Variants in PMFBP1 observed in about 807,000 individuals in gnomAD.
PMFBP1 encodes polyamine modulated factor 1 binding protein 1, also known as polyamine-modulated factor 1-binding protein 1.
In PMFBP1, 131 loss-of-function variants were observed where a neutral mutation model predicts 137.8. The observed-to-expected ratio is 0.95, with a 90% CI of 0.82 to 1.10. The LOEUF is 1.10. Ranked by LOEUF, PMFBP1 falls within the 50% of genes least tolerant of loss-of-function variation. The probability of loss-of-function intolerance (pLI) is 0.00; values close to 1 mark genes in which losing one functional copy is unlikely to be tolerated. For missense variants in PMFBP1, 1,199 were observed against 1,175.4 expected, an observed-to-expected ratio of 1.02 and a Z score of -0.29; for synonymous variants, 490 against 450.4, an observed-to-expected ratio of 1.09 and a Z score of -1.11.
At chr16:72,169,621 T>A (rs1418900837) in intron 2 of PMFBP1, among the ~76,000 whole-genome samples, 1 of 151,890 alleles carries the variant, frequency 6.6e-6, no homozygotes, top group African/African-American at 2.4e-5. Context: ...ACTTAAAGTA[T>A]AATAAAAAAG....
the PMFBP1 span, among the ~76,000 whole-genome samples, chr16:72,206,754 ACGATTAC>A: frequency 1.3e-5 from 2 of 152,154 alleles, no homozygotes; most frequent in African/African-American, 2.4e-5. Context: ...CAACGTGCCA[ACGATTAC>A]CGTAGCTAAA....
At chr16:72,138,571 A>G (rs867125826) in intron 7 of PMFBP1, among the ~76,000 whole-genome samples, 1 of 152,156 alleles carries the variant, frequency 6.6e-6, no homozygotes, top group Non-Finnish European at 1.5e-5. Flanking sequence ...GCTGGAGTGC[A>G]GTGGTGTGAT....
chr16:72,185,093 G>T, the PMFBP1 span, among the ~76,000 whole-genome samples: 4 of 149,890 alleles, frequency 2.7e-5, no homozygotes, highest in Non-Finnish European at 5.9e-5. Context: ...GTGCAATCTT[G>T]GCTCACTGCA....
At chr16:72,243,823 G>A in the PMFBP1 span, among the ~76,000 whole-genome samples, 1 of 152,188 alleles carries the variant, frequency 6.6e-6, no homozygotes, top group Non-Finnish European at 1.5e-5. Flanking sequence ...GAGGGCAAAG[G>A]GGAGGGTCCA....
At chr16:72,166,622 A>T (rs1271074318) in intron 2 of PMFBP1, among the ~76,000 whole-genome samples, 1 of 152,228 alleles carries the variant, frequency 6.6e-6, no homozygotes, top group Non-Finnish European at 1.5e-5. Context: ...AAGGGGTAAA[A>T]ACCAAGTATA....
chr16:72,159,048 G>A (rs1428189357), intron 3 of PMFBP1, among the ~76,000 whole-genome samples: 1 of 152,166 alleles, frequency 6.6e-6, no homozygotes, highest in Non-Finnish European at 1.5e-5. Flanking sequence ...GGCTTTGTAA[G>A]CATCTGTCCA....
At chr16:72,241,833 CA>C in the PMFBP1 span, among the ~76,000 whole-genome samples, 1 of 152,218 alleles carries the variant, frequency 6.6e-6, no homozygotes, top group South Asian at 2.1e-4. Context: ...TTCATACCCC[CA>C]AATGGCTGGT....
the PMFBP1 span, among the ~76,000 whole-genome samples, chr16:72,234,467 T>C: frequency 6.6e-6 from 1 of 152,110 alleles, no homozygotes; most frequent in Middle Eastern, 3.2e-3. Context: ...AGAATTAAGA[T>C]GCTAATGAGA....
chr16:72,231,977 G>A, the PMFBP1 span, among the ~76,000 whole-genome samples: 18 of 140,646 alleles, frequency 1.3e-4, no homozygotes, highest in African/African-American at 4.6e-4. Flanking sequence ...GGCTATTTGG[G>A]TCTTGGAGAA....
At position 72,125,306 on chromosome 16, in the gene PMFBP1, C is replaced by T; in HGVS notation, c.2353G>A (p.Glu785Lys). 1 of 1,614,194 alleles carries T rather than the reference C, an allele frequency of 6.2e-7. No individual in the cohort carries two copies. The highest frequency in any genetic ancestry group is 8.5e-7 in the Non-Finnish European group (1 of 1,180,040). ...TCCGTATTGAGCTTTTTCATCCTTT[C>T]CTCATAAGCAATGATTTCCTCTTCC... ...QLEEEIIAYE[E>K]RMKKLNTELR... The change falls in exon 16 of 21, where the codon GAA becomes AAA. Residue 785 changes from glutamate to lysine, a missense_variant. Glu to Lys is a moderately conservative substitution (Grantham distance 56, BLOSUM62 1). Coordinates refer to ENST00000237353, the MANE Select transcript of PMFBP1 (RefSeq NM_031293.3).
intron 3 of PMFBP1, among the ~76,000 whole-genome samples, chr16:72,160,099 A>G (rs1027901966): frequency 9.8e-5 from 15 of 152,332 alleles, no homozygotes; most frequent in Admixed American, 4.6e-4. Flanking sequence ...CTTGTGGTCA[A>G]AGAGATTATA....
At chr16:72,155,921 T>C (rs1257093756) in intron 3 of PMFBP1, among the ~76,000 whole-genome samples, 5 of 152,180 alleles carry the variant, frequency 3.3e-5, no homozygotes, top group Non-Finnish European at 7.3e-5. Flanking sequence ...ATTTTCTGCC[T>C]TTTCTAGACG....
intron 10 of PMFBP1, 26 bp downstream of exon 10, chr16:72,132,722 T>A (rs1240061190): frequency 1.2e-6 from 2 of 1,613,676 alleles, no homozygotes; most frequent in East Asian, 4.5e-5. Flanking sequence ...AAAAGTGTGG[T>A]GGGACAGCAC....
upstream of PMFBP1, among the ~76,000 whole-genome samples, chr16:72,179,908 A>G (rs1257820360): frequency 6.6e-6 from 1 of 152,196 alleles, no homozygotes; most frequent in East Asian, 1.9e-4. Context: ...ACATCTAATA[A>G]AAGAACAAAG....
the PMFBP1 span, among the ~76,000 whole-genome samples, chr16:72,185,890 G>C: frequency 6.6e-6 from 1 of 152,202 alleles, no homozygotes; most frequent in Non-Finnish European, 1.5e-5. Context: ...AGAAGCCAAA[G>C]AGAGTTTTGG....
At chr16:72,134,343 C>T (rs1223006538) in intron 9 of PMFBP1, among the ~76,000 whole-genome samples, 1 of 152,108 alleles carries the variant, frequency 6.6e-6, no homozygotes, top group Non-Finnish European at 1.5e-5. Flanking sequence ...CCACCACACT[C>T]AGCTAGTTTA....
the PMFBP1 span, among the ~76,000 whole-genome samples, chr16:72,195,740 C>G: frequency 2.6e-5 from 4 of 152,224 alleles, no homozygotes; most frequent in East Asian, 7.7e-4. Flanking sequence ...CAGGGAAAAG[C>G]TTGTACTTAA....
chr16:72,201,658 C>T, the PMFBP1 span, among the ~76,000 whole-genome samples: 5 of 152,198 alleles, frequency 3.3e-5, no homozygotes, highest in Non-Finnish European at 2.9e-5. Context: ...GTGCATTTCC[C>T]ACTTATATTC....
In PMFBP1 at chr16:72,140,537, A is replaced by G; in HGVS notation, c.682T>C (p.Ser228Pro). Residue 228 changes from serine to proline, a missense_variant, in exon 6 of 21, where the codon TCT becomes CCT. Transcript: ENST00000237353. ...GDHSKVRIYT[S>P]PCMIQEHQET... ...TGATGCTCTTGAATCATGCAAGGAG[A>G]AGTGTATATCCGTACCTTTGAATGA... is the stretch of plus-strand genomic sequence containing the variant. 6.2e-7 allele frequency: 1 copy of G among 1,613,684 alleles called. No homozygotes were observed. Among genetic ancestry groups the G allele is most frequent in the African/African-American group, 1.3e-5 (1 of 75,028 alleles).
Sources: gnomAD v4.1 joint callset for allele counts (sites outside exome capture counted in the v4.1 genomes callset) on GRCh38, gnomAD v4.1.1 for gene constraint, MANE v1.5 for transcripts, NCBI Gene and HGNC (gene_info 2026-07-23, HGNC 2026-07-21) for gene names.